Variants in CCAR2 observed in about 807,000 individuals in gnomAD.
The protein encoded by CCAR2 is cell cycle and apoptosis regulator protein 2.
CCAR2 carries 21 observed loss-of-function variants against 108.1 expected under a neutral mutation model. The ratio of observed to expected loss-of-function variants is 0.19; its 90% confidence interval spans 0.14 to 0.28. CCAR2 has a LOEUF of 0.28. CCAR2 is among the 10% of genes least tolerant of loss of function. The pLI, the probability that CCAR2 is intolerant of heterozygous loss-of-function variation, is 1.00. For synonymous variants in CCAR2, 577 were observed against 472.8 expected (o/e 1.22, Z -2.86); for missense variants, 1,126 against 1,177.0 (o/e 0.96, Z 0.63).
At position 22,620,013 on chromosome 8, in the gene CCAR2, A is replaced by AGAC. The variant is rs1801706403; in HGVS notation, c.*332_*334dup. ...TCCTGTCCTCTTCCAGTTTAGAATA[A>AGAC]GACAGGGGAGAAAAAGGCTTTTCGA... is the stretch of plus-strand genomic sequence containing the variant. On this transcript the variant is annotated 3_prime_UTR_variant, in exon 21 of 21. Coordinates refer to ENST00000308511, the MANE Select transcript of CCAR2 (RefSeq NM_001393997.1). 1 of 338,326 alleles carries AGAC rather than the reference A, an allele frequency of 3.0e-6. No homozygotes were observed. The highest frequency in any genetic ancestry group is 5.6e-6 in the Non-Finnish European group (1 of 179,214). 21.0% of individuals were successfully genotyped at this position (338,326 alleles called of 1,614,324 possible).
chr8:22,617,622 G>A, intron 15 of CCAR2, 58 bp downstream of exon 15: 1 of 1,612,134 alleles, frequency 6.2e-7, no homozygotes. Flanking sequence ...TCCACCTGTG[G>A]CCAAGCTGGT....
At position 22,614,164 on chromosome 8, in the gene CCAR2, G is replaced by C. The variant is rs1801403015; in HGVS notation, c.777G>C (p.Val259=). 6.2e-7 allele frequency: 1 copy of C among 1,613,942 alleles called. No homozygotes were observed. The highest frequency in any genetic ancestry group is 1.7e-5 in the Admixed American group (1 of 59,994). The change falls in exon 9 of 21, where the codon GTG becomes GTC. Residue 259 remains valine (V), a synonymous_variant. Coordinates refer to ENST00000308511, the MANE Select transcript of CCAR2 (RefSeq NM_001393997.1). ...TGGTCCCCTCAGATTTTCTGTCCGT[G>C]CATCTGAGTTGGCTATCAGCCTTCC... ...SLLVPSDFLS[V]HLSWLSAFPL...
At chr8:22,613,238 C>G in intron 8 of CCAR2, 102 bp downstream of exon 8, 11 of 1,260,588 alleles carry the variant, frequency 8.7e-6, no homozygotes, top group Non-Finnish European at 1.0e-5. Flanking sequence ...TTCTTACAGC[C>G]TTTTCTTACA....
intron 7 of CCAR2, among the ~76,000 whole-genome samples, chr8:22,610,499 A>G (rs1801231842): frequency 6.6e-6 from 1 of 152,254 alleles, no homozygotes; most frequent in South Asian, 2.1e-4. Flanking sequence ...CACAGTGTAC[A>G]GCGTTGAGTG....
chr8:22,619,552 C>T, intron 20 of CCAR2, 86 bp from the exon 21 acceptor site: 2 of 1,481,814 alleles, frequency 1.3e-6, no homozygotes, highest in South Asian at 2.4e-5. Context: ...GCAGTGGGAG[C>T]TTCCCAGCAG....
rs80306821 is a variant in CCAR2, at chr8:22,610,755, G to A, written c.585-2262G>A. Reference sequence around the variant, plus strand: ...GGGGTGTGAACAGGGAAATGACCCAGGCAGGTCTAAAAGGCAGAACAAGAA... The same window carrying A: ...GGGGTGTGAACAGGGAAATGACCCAAGCAGGTCTAAAAGGCAGAACAAGAA... On this transcript the variant is annotated intron_variant, in intron 7 of 20. Transcript: ENST00000308511. Among the ~76,000 whole-genome samples, 1,416 of 152,322 alleles carry A rather than the reference G, an allele frequency of 9.3e-3. 16 individuals are homozygous for A. Among genetic ancestry groups the A allele is most frequent in the African/African-American group, 0.032 (1,336 of 41,568 alleles).
Position 22,608,037 on chromosome 8 carries a change from C to T in CCAR2, c.556C>T (p.Pro186Ser), listed in dbSNP as rs368650603. The T allele has an allele frequency of 6.2e-7, 1 of 1,613,978 alleles. No homozygotes were observed. The highest frequency in any genetic ancestry group is 1.7e-5 in the Admixed American group (1 of 60,018). The change falls in exon 7 of 21, where the codon CCT (proline) becomes TCT (serine). Residue 186 changes from proline to serine, a missense_variant. Around this residue, in one of 4 missense-constraint regions of CCAR2, gnomAD observed 1,013 missense variants for 993.9 expected, o/e 1.02. Transcript: ENST00000308511. ...SHLNRFPARGPHGRLDQGRSD... is the reference protein window; with the variant it reads ...SHLNRFPARGSHGRLDQGRSD... ...CCTGAACAGATTTCCTGCCCGGGGC[C>T]CTCATGGACGGTTGGATCAGGGCCG... is the stretch of plus-strand genomic sequence containing the variant.
Position 22,616,268 on chromosome 8 carries a change from G to T in CCAR2, c.1845+20G>T, listed in dbSNP as rs771668007. On this transcript the variant is annotated intron_variant, in intron 14 of 20. Coordinates refer to ENST00000308511, the MANE Select transcript of CCAR2 (RefSeq NM_001393997.1). ...CCGCTGGTGAGTACCCTGCCACCTC[G>T]GGCTGTCATAGTGCTTACCGTGACC... 4 of 1,607,942 alleles carry T rather than the reference G, an allele frequency of 2.5e-6. No homozygotes were observed. In the South Asian group the frequency reaches 3.3e-5, roughly 13 times the overall value.
rs201272400 is a variant in CCAR2 at position 22,619,708 on chromosome 8, G to A, written c.*26G>A. The A allele has an allele frequency of 1.8e-3, 2,829 of 1,557,660 alleles. 4 individuals carry two copies. Among genetic ancestry groups the A allele is most frequent in the Non-Finnish European group, 2.3e-3 (2,676 of 1,150,810 alleles). ...CGGCCTCGCACGGAACTGCCATCCTGTGAGGGCAGCGGTGGCGCCCGGCAA... is the reference window on the plus strand; with the variant it reads ...CGGCCTCGCACGGAACTGCCATCCTATGAGGGCAGCGGTGGCGCCCGGCAA... On this transcript the variant is annotated 3_prime_UTR_variant, in exon 21 of 21. Transcript: ENST00000308511.
rs1374595080 is a variant in CCAR2, at chr8:22,606,711, T to C, written c.242+13T>C. The C allele has an allele frequency of 8.1e-6, 13 of 1,608,700 alleles. No homozygotes were observed. Among genetic ancestry groups the C allele is most frequent in the Non-Finnish European group, 1.1e-5 (13 of 1,175,308 alleles). On this transcript the variant is annotated intron_variant, in intron 4 of 20. Transcript: ENST00000308511. ...TTTTTCAGCTAAGGTAGGCTTGAGGTTGGTCCCCTAACGGAAATGCTTATT... is the reference window on the plus strand; with the variant it reads ...TTTTTCAGCTAAGGTAGGCTTGAGGCTGGTCCCCTAACGGAAATGCTTATT...
intron 14 of CCAR2, chr8:22,616,490 G>A (rs1278902102): frequency 5.4e-6 from 3 of 558,078 alleles, no homozygotes; most frequent in East Asian, 3.0e-5. Context: ...ACGCTTGGCA[G>A]AGTGGGGTGC....
intron 7 of CCAR2, among the ~76,000 whole-genome samples, chr8:22,608,927 A>G (rs1389483463): frequency 6.6e-6 from 1 of 152,054 alleles, no homozygotes; most frequent in Non-Finnish European, 1.5e-5. Flanking sequence ...CCATCTATTC[A>G]CTGCTCCCAC....
At chr8:22,621,447 G>T, downstream of CCAR2, 8 of 1,613,592 alleles carry the variant, frequency 5.0e-6, no homozygotes, top group Non-Finnish European at 6.8e-6. Context: ...AATGGAGAGG[G>T]CCCGGAGCTC....
Position 22,619,362 on chromosome 8 carries a change from T to TGGGGGTGGACC in CCAR2, c.2727+8_2727+18dup. 1 of 1,554,754 alleles carries TGGGGGTGGACC rather than the reference T, an allele frequency of 6.4e-7. No homozygotes were observed. Among genetic ancestry groups the TGGGGGTGGACC allele is most frequent in the Non-Finnish European group, 8.7e-7 (1 of 1,150,136 alleles). On this transcript the variant is annotated splice_region_variant and intron_variant, in intron 20 of 20. Coordinates refer to ENST00000308511, the MANE Select transcript of CCAR2 (RefSeq NM_001393997.1). ...CCAGCGGGTGGTGGAAAAGGTAAGG[T>TGGGGGTGGACC]GGGGGTGGACCAGGAGGCAGCACAG...
intron 16 of CCAR2, 115 bp from the exon 17 acceptor site, chr8:22,618,234 G>C (rs1308595549): frequency 7.3e-7 from 1 of 1,365,538 alleles, no homozygotes; most frequent in Non-Finnish European, 1.0e-6. Context: ...GGGACTTCAG[G>C]CATGCATCAC....
At chr8:22,615,292 TTG>T (rs1801455650) in intron 11 of CCAR2, 131 bp from the exon 12 acceptor site, 1 of 1,140,954 alleles carries the variant, frequency 8.8e-7, no homozygotes, top group Non-Finnish European at 1.2e-6. Context: ...AGCTTTCCTG[TTG>T]TGTCTTCAAA....
Position 22,618,513 on chromosome 8 carries a change from C to A in CCAR2, c.2220+18C>A, listed in dbSNP as rs1482873394. On this transcript the variant is annotated intron_variant, in intron 17 of 20. Coordinates refer to ENST00000308511, the MANE Select transcript of CCAR2 (RefSeq NM_001393997.1). ...CAGAGCAGGTACCTTCTTTCCTCTG[C>A]CCCAGCACATGGGCACAGGCCTGCA... 1 of 1,614,124 alleles carries A rather than the reference C, an allele frequency of 6.2e-7. No individual in the cohort carries two copies.
chr8:22,610,948 C>A (rs1325113035), intron 7 of CCAR2, among the ~76,000 whole-genome samples: 1 of 152,110 alleles, frequency 6.6e-6, no homozygotes, highest in East Asian at 1.9e-4. Context: ...GTACCCATAT[C>A]TATTGCACTT....
intron 16 of CCAR2, chr8:22,618,112 C>T (rs1801597542): frequency 1.7e-6 from 1 of 605,582 alleles, no homozygotes; most frequent in African/African-American, 1.9e-5. Flanking sequence ...CGGGGTTTCG[C>T]TGTGTTGCCC....
Sources: gnomAD v4.1 joint callset for allele counts (sites outside exome capture counted in the v4.1 genomes callset) on GRCh38, gnomAD v4.1.1 for gene constraint, gnomAD v4.1.1 regional missense constraint, MANE v1.5 for transcripts, NCBI Gene and HGNC (gene_info 2026-07-23, HGNC 2026-07-21) for gene names.